MRRF: variants seen among roughly 807,000 people sequenced by gnomAD.
MRRF encodes mitochondrial ribosome recycling factor.
A neutral mutation model predicts 25.1 loss-of-function variants in MRRF; 18 were observed. The ratio of observed to expected loss-of-function variants is 0.72; its 90% CI spans 0.50 to 1.06. MRRF has a LOEUF of 1.06. Ranked by LOEUF, MRRF falls within the 50% of genes least tolerant of loss-of-function variation. The pLI is 0.00. For missense variants in MRRF, 323 were observed against 319.3 expected, an observed-to-expected ratio of 1.01 and a Z score of -0.09; for synonymous variants, 113 against 112.1, an observed-to-expected ratio of 1.01 and a Z score of -0.05.
intron 5 of MRRF, among the ~76,000 whole-genome samples, chr9:122,309,337 G>A (rs921118127): frequency 6.6e-6 from 1 of 151,946 alleles, no homozygotes; most frequent in East Asian, 1.9e-4. Context: ...GACATTGAAG[G>A]GCTTACAAAG....
intron 6 of MRRF, among the ~76,000 whole-genome samples, chr9:122,318,186 A>C (rs1305838155): frequency 6.6e-6 from 1 of 152,112 alleles, no homozygotes; most frequent in East Asian, 1.9e-4. Context: ...CTATCCCTAT[A>C]GTCATGTTTG....
chr9:122,291,615 A>T, intron 4 of MRRF, 134 bp from the exon 5 acceptor site: 1 of 732,044 alleles, frequency 1.4e-6, no homozygotes, highest in Non-Finnish European at 2.5e-6. Flanking sequence ...CACCAATGTA[A>T]CTTCCTGATC....
chr9:122,297,997 C>T (rs1306948006), intron 5 of MRRF, among the ~76,000 whole-genome samples: 2 of 152,124 alleles, frequency 1.3e-5, no homozygotes, highest in African/African-American at 4.8e-5. Context: ...AGGCTCTATA[C>T]TCTATGATTG....
intron 5 of MRRF, 139 bp from the exon 6 acceptor site, chr9:122,313,088 C>T: frequency 1.1e-6 from 1 of 903,708 alleles, no homozygotes; most frequent in South Asian, 1.5e-5. Context: ...GCGTTTTCCT[C>T]CTCCTGGAAA....
intron 5 of MRRF, among the ~76,000 whole-genome samples, chr9:122,298,275 A>G (rs1834220470): frequency 6.6e-6 from 1 of 152,244 alleles, no homozygotes; most frequent in South Asian, 2.1e-4. Flanking sequence ...TATGTGGAAC[A>G]TAATTTACAA....
intron 2 of MRRF, among the ~76,000 whole-genome samples, 179 bp downstream of exon 2, chr9:122,271,254 C>T (rs1832441999): frequency 6.6e-6 from 1 of 152,178 alleles, no homozygotes; most frequent in Non-Finnish European, 1.5e-5. Context: ...GGTGTTATAA[C>T]CCAGTGCCTG....
chr9:122,304,595 T>C (rs1017704935), intron 5 of MRRF, among the ~76,000 whole-genome samples: 1 of 152,208 alleles, frequency 6.6e-6, no homozygotes, highest in African/African-American at 2.4e-5. Flanking sequence ...CTCCATGCCT[T>C]GTATCATGCA....
At chr9:122,291,605 C>T in intron 4 of MRRF, 144 bp from the exon 5 acceptor site, 1 of 708,246 alleles carries the variant, frequency 1.4e-6, no homozygotes, top group Non-Finnish European at 2.6e-6. Context: ...AAGCACTCTA[C>T]ACCAATGTAA....
intron 4 of MRRF, among the ~76,000 whole-genome samples, chr9:122,287,825 T>C (rs78673423): frequency 0.012 from 1,817 of 152,264 alleles, 12 homozygotes; most frequent in Non-Finnish European, 0.017. Flanking sequence ...TGAGTTACAT[T>C]GTCTTTTGAA....
chr9:122,266,075 T>C (rs1283730766), intron 1 of MRRF, among the ~76,000 whole-genome samples: 1 of 152,240 alleles, frequency 6.6e-6, no homozygotes, highest in Non-Finnish European at 1.5e-5. Flanking sequence ...GGATAAGGAA[T>C]TTATCTTTCT....
chr9:122,274,837 CT>C (rs1310385072), intron 2 of MRRF, among the ~76,000 whole-genome samples: 1 of 151,734 alleles, frequency 6.6e-6, no homozygotes, highest in African/African-American at 2.4e-5. Context: ...AGTTATAAAC[CT>C]TTTAAAAGAG....
chr9:122,316,292 C>T (rs952045773), intron 6 of MRRF, among the ~76,000 whole-genome samples: 1 of 152,140 alleles, frequency 6.6e-6, no homozygotes, highest in Non-Finnish European at 1.5e-5. Flanking sequence ...TCTCCTGCCT[C>T]AGACTCCCGA....
At chr9:122,321,596 T>G (rs1835898064) in intron 6 of MRRF, among the ~76,000 whole-genome samples, 1 of 152,234 alleles carries the variant, frequency 6.6e-6, no homozygotes, top group Admixed American at 6.5e-5. Context: ...GCTTATCCAT[T>G]TCATCATAGC....
chr9:122,319,625 A>G (rs1212498116), intron 6 of MRRF, among the ~76,000 whole-genome samples: 1 of 152,208 alleles, frequency 6.6e-6, no homozygotes, highest in Non-Finnish European at 1.5e-5. Context: ...AATGTTTATT[A>G]TATGGTAAAG....
intron 1 of MRRF, among the ~76,000 whole-genome samples, chr9:122,266,361 C>T (rs1451752282): frequency 6.6e-6 from 1 of 152,176 alleles, no homozygotes; most frequent in Non-Finnish European, 1.5e-5. Flanking sequence ...AAGCCGTCCT[C>T]TGAGGAAGTG....
In MRRF at chr9:122,330,721, G is replaced by A. The variant is rs1836261317; in HGVS notation, c.*8104G>A. On this transcript the variant is annotated 3_prime_UTR_variant, in exon 7 of 7. Coordinates refer to ENST00000344641, the MANE Select transcript of MRRF (RefSeq NM_138777.5). This position sits in a 1 kb window ranked among gnomAD's most constrained non-coding sequence, Gnocchi z 4.2. ...GAGGTGGGCGAGTCACTTGAGGTCA[G>A]GAGTTCGGGACCAGCCTGGCCAACG... 6.6e-6 allele frequency: 1 copy of A among 152,250 alleles called. No homozygotes were observed. Among genetic ancestry groups the A allele is most frequent in the Admixed American group, 6.5e-5 (1 of 15,288 alleles). The allele number at this position is 152,250 out of a possible 1,614,324, so 9.4% of individuals were successfully genotyped here.
At chr9:122,285,460 T>C (rs1428099900) in intron 4 of MRRF, 173 bp downstream of exon 4, 2 of 674,818 alleles carry the variant, frequency 3.0e-6, no homozygotes, top group East Asian at 5.5e-5. Flanking sequence ...TCCTTTTCTG[T>C]TAAACTCAGA....
At chr9:122,296,965 T>C (rs1255262551) in intron 5 of MRRF, among the ~76,000 whole-genome samples, 1 of 152,210 alleles carries the variant, frequency 6.6e-6, no homozygotes, top group African/African-American at 2.4e-5. Flanking sequence ...CTTGATTGTC[T>C]TCCGATTCCT....
In MRRF at chr9:122,324,224, A is replaced by C. The variant is rs1257023584; in HGVS notation, c.*1607A>C. Reference sequence around the variant, plus strand: ...CCATACTCCTGACTGACCAACTACAAACTAGAGTCCTTGATTTCCTTTGGT... The same window carrying C: ...CCATACTCCTGACTGACCAACTACACACTAGAGTCCTTGATTTCCTTTGGT... On this transcript the variant is annotated 3_prime_UTR_variant, in exon 7 of 7. Transcript: ENST00000344641. 1.3e-5 allele frequency: 2 copies of C among 152,166 alleles called. No individual in the cohort carries two copies. The highest frequency in any genetic ancestry group is 2.9e-5 in the Non-Finnish European group (2 of 68,032). The allele number at this position is 152,166 out of a possible 1,614,324, so 9.4% of individuals were successfully genotyped here. A position where few individuals can be genotyped will look rare whatever the true frequency, so the allele number is the denominator to read the frequency against.
Sources: allele counts gnomAD v4.1 joint callset (sites outside exome capture counted in the v4.1 genomes callset), GRCh38; gene constraint gnomAD v4.1.1; non-coding constraint Gnocchi (gnomAD v3.1); transcripts MANE v1.5; gene names NCBI Gene and HGNC (gene_info 2026-07-23, HGNC 2026-07-21).